Variants in SCLT1 observed in about 807,000 individuals in gnomAD.
SCLT1 encodes sodium channel-associated protein 1.
Under a neutral mutation model 112.8 loss-of-function variants are expected in SCLT1, and 78 were observed. The observed-to-expected ratio is 0.69, with a 90% CI of 0.58 to 0.83. The LOEUF is 0.83. Ranked by LOEUF, SCLT1 falls within the 40% of genes least tolerant of loss-of-function variation. The pLI, the probability that SCLT1 is intolerant of heterozygous loss-of-function variation, is 0.00. For missense variants in SCLT1, 747 were observed against 770.4 expected, an observed-to-expected ratio of 0.97 and a Z score of 0.36; for synonymous variants, 257 against 254.7, an observed-to-expected ratio of 1.01 and a Z score of -0.09.
intron 5 of SCLT1, among the ~76,000 whole-genome samples, chr4:129,014,654 C>G (rs1182356626): frequency 6.6e-6 from 1 of 152,250 alleles, no homozygotes; most frequent in African/African-American, 2.4e-5. Context: ...ATTGTTCTCT[C>G]ACTCCATGAG....
chr4:128,888,212 T>C lies in SCLT1; in HGVS notation c.2004+467A>G, dbSNP rs1056423481. On this transcript the variant is annotated intron_variant, in intron 20 of 20. Coordinates refer to ENST00000281142, the MANE Select transcript of SCLT1 (RefSeq NM_144643.4). The stretch of plus-strand genomic sequence containing the variant: ...TGTTAGACAGTATATGTCTTTTCTG[T>C]TTTTTTTTTTTTTGTTGATACAGAG... 3.4e-5 allele frequency among the ~76,000 whole-genome samples: 5 copies of C among 145,516 alleles called. No individual in the cohort carries two copies. In the East Asian group the frequency reaches 8.0e-4, roughly 23 times the overall value.
intron 5 of SCLT1, among the ~76,000 whole-genome samples, chr4:129,026,521 T>A (rs1185537252): frequency 2.0e-5 from 3 of 151,746 alleles, no homozygotes; most frequent in Non-Finnish European, 4.4e-5. Context: ...AGACACAACA[T>A]ACCAGAATCT....
chr4:129,085,855 G>A (rs1752347302), intron 1 of SCLT1, among the ~76,000 whole-genome samples: 1 of 152,100 alleles, frequency 6.6e-6, no homozygotes, highest in South Asian at 2.1e-4. Context: ...TGGCCTATTG[G>A]AGGGTGAAGG....
intron 2 of SCLT1, 27 bp from the exon 3 acceptor site, chr4:129,044,078 G>A (rs557594883): frequency 7.8e-7 from 1 of 1,283,828 alleles, no homozygotes; most frequent in Non-Finnish European, 1.1e-6. Flanking sequence ...ATCTTAAAAT[G>A]TGTTCTCACA....
Position 129,004,887 on chromosome 4 carries a change from A to C in SCLT1, c.291-1011T>G, listed in dbSNP as rs1743853129. Reference sequence around the variant, plus strand: ...TTGAAAATTATTCTCTAATTAAAAAACTTACAAGTATTGGTTAAGACAGTT... The same window carrying C: ...TTGAAAATTATTCTCTAATTAAAAACCTTACAAGTATTGGTTAAGACAGTT... On this transcript the variant is annotated intron_variant, in intron 5 of 20. Coordinates refer to ENST00000281142, the MANE Select transcript of SCLT1 (RefSeq NM_144643.4). Among the ~76,000 whole-genome samples the C allele has an allele frequency of 3.3e-5, 5 of 151,722 alleles. No individual in the cohort carries two copies. In the South Asian group the frequency reaches 8.4e-4, roughly 25 times the overall value.
chr4:129,066,145 G>A (rs1750464551), intron 2 of SCLT1, among the ~76,000 whole-genome samples: 1 of 151,928 alleles, frequency 6.6e-6, no homozygotes, highest in Non-Finnish European at 1.5e-5. Context: ...AAAATTCACA[G>A]CAGAAAAACA....
chr4:128,898,087 C>T (rs1252577429), intron 18 of SCLT1, among the ~76,000 whole-genome samples: 1 of 152,072 alleles, frequency 6.6e-6, no homozygotes, highest in African/African-American at 2.4e-5. Context: ...GACTTTAACA[C>T]CCCACTGTCA....
intron 5 of SCLT1, among the ~76,000 whole-genome samples, chr4:129,022,378 C>A (rs1049368403): frequency 1.3e-5 from 2 of 152,252 alleles, no homozygotes; most frequent in Non-Finnish European, 2.9e-5. Flanking sequence ...TAACCCAATG[C>A]AAGGAAGCTA....
chr4:129,082,183 T>G lies in SCLT1; in HGVS notation c.102+123A>C, dbSNP rs574982932. 191 of 434,316 alleles carry G rather than the reference T, an allele frequency of 4.4e-4. 1 individual carries two copies. The highest frequency in any genetic ancestry group is 3.5e-3 in the African/African-American group (171 of 49,464). 26.9% of individuals were successfully genotyped at this position (434,316 alleles called of 1,614,324 possible). On this transcript the variant is annotated intron_variant, in intron 2 of 20. Coordinates refer to ENST00000281142, the MANE Select transcript of SCLT1 (RefSeq NM_144643.4). ...AGGGCAATTTCTATTGTCAAAAGAT[T>G]TACTTTCATTAAGCAAAAACAAGCT...
chr4:129,042,698 T>C (rs1229474691), intron 4 of SCLT1, among the ~76,000 whole-genome samples: 3 of 152,020 alleles, frequency 2.0e-5, no homozygotes. Flanking sequence ...TAGGCTGGAG[T>C]GCAGTGGCTT....
intron 5 of SCLT1, among the ~76,000 whole-genome samples, chr4:129,004,703 A>T (rs2126090836): frequency 6.6e-6 from 1 of 152,114 alleles, no homozygotes; most frequent in Admixed American, 6.6e-5. Context: ...TTAGAGGTGA[A>T]TGATTTACTA....
intron 9 of SCLT1, among the ~76,000 whole-genome samples, chr4:128,974,595 C>T (rs889552198): frequency 6.6e-6 from 1 of 152,086 alleles, no homozygotes; most frequent in Non-Finnish European, 1.5e-5. Context: ...TTTCTGGCTG[C>T]ACAATATCCT....
chr4:129,004,327 C>A (rs1244841069), intron 5 of SCLT1, among the ~76,000 whole-genome samples: 1 of 152,068 alleles, frequency 6.6e-6, no homozygotes, highest in African/African-American at 2.4e-5. Context: ...GGACTTCTTA[C>A]TAATTCCAGT....
chr4:129,022,746 C>T (rs1745606495), intron 5 of SCLT1, among the ~76,000 whole-genome samples: 1 of 152,168 alleles, frequency 6.6e-6, no homozygotes, highest in Non-Finnish European at 1.5e-5. Flanking sequence ...AGGAGAACTT[C>T]CCCAACCTAG....
At chr4:129,023,326 G>T (rs989878291) in intron 5 of SCLT1, among the ~76,000 whole-genome samples, 5 of 152,182 alleles carry the variant, frequency 3.3e-5, no homozygotes, top group African/African-American at 7.2e-5. Context: ...TGGGCTAAAT[G>T]CCCCAATTTA....
At chr4:128,900,215 C>T (rs1344812453) in intron 18 of SCLT1, among the ~76,000 whole-genome samples, 2 of 152,170 alleles carry the variant, frequency 1.3e-5, no homozygotes, top group African/African-American at 4.8e-5. Flanking sequence ...GCCTGCATCG[C>T]CAAGTCAATC....
intron 9 of SCLT1, among the ~76,000 whole-genome samples, chr4:128,972,599 G>A (rs750742429): frequency 5.9e-5 from 9 of 152,266 alleles, no homozygotes; most frequent in South Asian, 4.1e-4. Context: ...GGTGGATTAG[G>A]CAATTTGCCA....
chr4:129,002,555 A>T (rs1743598694), intron 6 of SCLT1, among the ~76,000 whole-genome samples: 1 of 152,164 alleles, frequency 6.6e-6, no homozygotes, highest in Admixed American at 6.6e-5. Flanking sequence ...TGACATTAAA[A>T]TATTCTCTCT....
intron 9 of SCLT1, among the ~76,000 whole-genome samples, chr4:128,979,912 T>C (rs1221628258): frequency 2.0e-5 from 3 of 152,192 alleles, no homozygotes; most frequent in African/African-American, 4.8e-5. Flanking sequence ...GTTCTAGAAG[T>C]CTAATAATCT....
Sources: allele counts gnomAD v4.1 joint callset (sites outside exome capture counted in the v4.1 genomes callset), GRCh38; gene constraint gnomAD v4.1.1; transcripts MANE v1.5; gene names NCBI Gene and HGNC (gene_info 2026-07-23, HGNC 2026-07-21).